PARD3: variants seen among roughly 807,000 people sequenced by gnomAD.
The protein encoded by PARD3 is partitioning defective 3 homolog.
A neutral mutation model predicts 155.4 loss-of-function variants in PARD3; 75 were observed. The observed-to-expected ratio is 0.48, with a 90% CI of 0.40 to 0.58. The LOEUF (loss-of-function observed/expected upper bound fraction) is 0.58, where lower values mean the gene tolerates loss of function less well. Ranked by LOEUF, PARD3 falls within the 20% of genes least tolerant of loss-of-function variation. The probability of loss-of-function intolerance (pLI) is 0.00; values close to 1 mark genes in which losing one functional copy is unlikely to be tolerated. For synonymous variants in PARD3, 576 were observed against 610.5 expected (o/e 0.94, Z 0.83); for missense variants, 1,642 against 1,721.7 (o/e 0.95, Z 0.82).
chr10:34,378,450 A>C (rs1466070314), intron 9 of PARD3, among the ~76,000 whole-genome samples: 1 of 152,218 alleles, frequency 6.6e-6, no homozygotes, highest in African/African-American at 2.4e-5. Context: ...ACTTCTGTTA[A>C]GACCCACAGT....
chr10:34,586,085 G>A (rs2088011328), intron 2 of PARD3, among the ~76,000 whole-genome samples: 1 of 151,892 alleles, frequency 6.6e-6, no homozygotes, highest in South Asian at 2.1e-4. Context: ...AAAAAAAAAA[G>A]TAAGTCATAT....
intron 22 of PARD3, among the ~76,000 whole-genome samples, chr10:34,233,148 T>C (rs1953028824): frequency 6.7e-6 from 1 of 148,218 alleles, no homozygotes. Flanking sequence ...CTCTTCAGCC[T>C]ACTACCCCAT....
intron 3 of PARD3, among the ~76,000 whole-genome samples, chr10:34,510,685 T>A (rs1172260889): frequency 1.3e-5 from 2 of 151,470 alleles, no homozygotes; most frequent in Non-Finnish European, 2.9e-5. Context: ...GAGTGTGTGT[T>A]TCCTTTATTT....
At chr10:34,406,061 T>C (rs541159805) in intron 5 of PARD3, among the ~76,000 whole-genome samples, 2 of 152,304 alleles carry the variant, frequency 1.3e-5, no homozygotes, top group South Asian at 2.1e-4. Context: ...AATGAGGAGT[T>C]ATCTCCAAAC....
At chr10:34,199,748 T>G (rs1478350632) in intron 22 of PARD3, among the ~76,000 whole-genome samples, 4 of 152,200 alleles carry the variant, frequency 2.6e-5, no homozygotes, top group African/African-American at 9.7e-5. Context: ...AAGCTTTCCC[T>G]TCTGAGCAAG....
At chr10:34,596,433 C>T (rs2089266684) in intron 2 of PARD3, among the ~76,000 whole-genome samples, 1 of 152,248 alleles carries the variant, frequency 6.6e-6, no homozygotes, top group Non-Finnish European at 1.5e-5. Context: ...CTAGGGAGGA[C>T]TCAGCAAGCT....
At chr10:34,716,604 T>TG (rs2094525328) in intron 1 of PARD3, among the ~76,000 whole-genome samples, 1 of 146,474 alleles carries the variant, frequency 6.8e-6, no homozygotes, top group East Asian at 2.0e-4. Context: ...TTTTTTTTTT[T>TG]TTTTTGAGAC....
At chr10:34,459,417 C>T (rs1017430381) in intron 4 of PARD3, among the ~76,000 whole-genome samples, 17 of 152,100 alleles carry the variant, frequency 1.1e-4, no homozygotes, top group Non-Finnish European at 1.5e-4. Context: ...GTGATCCGCC[C>T]GCCTCGGCCT....
At chr10:34,795,349 A>G (rs11009940) in intron 1 of PARD3, among the ~76,000 whole-genome samples, 53,721 of 152,068 alleles carry the variant, frequency 0.35, 10,638 homozygotes, top group African/African-American at 0.55. Flanking sequence ...GGTAGTTCAT[A>G]CCTATAATCT....
At chr10:34,604,193 GATGGTTA>G (rs2090028497) in intron 2 of PARD3, among the ~76,000 whole-genome samples, 1 of 152,150 alleles carries the variant, frequency 6.6e-6, no homozygotes, top group Admixed American at 6.5e-5. Context: ...CTGGGTATGA[GATGGTTA>G]ATACCAAGTG....
intron 2 of PARD3, among the ~76,000 whole-genome samples, chr10:34,654,365 C>A (rs771755093): frequency 9.9e-5 from 15 of 152,128 alleles, no homozygotes; most frequent in Non-Finnish European, 1.8e-4. Flanking sequence ...TACAGACGTG[C>A]TAAAAGGTTA....
intron 2 of PARD3, among the ~76,000 whole-genome samples, chr10:34,539,386 C>T (rs1035263637): frequency 6.6e-6 from 1 of 152,174 alleles, no homozygotes; most frequent in Non-Finnish European, 1.5e-5. Flanking sequence ...AAGTAAAACT[C>T]AGCCAGGCGC....
intron 2 of PARD3, among the ~76,000 whole-genome samples, chr10:34,605,223 G>T (rs1158997925): frequency 8.9e-6 from 1 of 112,644 alleles, no homozygotes; most frequent in Non-Finnish European, 1.6e-5. Context: ...GACGGAGTCT[G>T]GCTCTGTCAC....
At chr10:34,428,099 A>C (rs1242444774) in intron 5 of PARD3, among the ~76,000 whole-genome samples, 3 of 152,176 alleles carry the variant, frequency 2.0e-5, no homozygotes, top group Non-Finnish European at 4.4e-5. Flanking sequence ...CCATCTTCAA[A>C]ATAGGACAAC....
chr10:34,788,769 T>C (rs1841296885), intron 1 of PARD3, among the ~76,000 whole-genome samples: 1 of 152,146 alleles, frequency 6.6e-6, no homozygotes, highest in South Asian at 2.1e-4. Context: ...AAAATGAGAC[T>C]GGAGACTGCA....
At chr10:34,714,204 A>G (rs548537138) in intron 1 of PARD3, among the ~76,000 whole-genome samples, 2 of 152,296 alleles carry the variant, frequency 1.3e-5, no homozygotes, top group South Asian at 4.1e-4. Flanking sequence ...ACTTAATCCA[A>G]AAATGACCTG....
chr10:34,211,412 G>T (rs1176565820), intron 22 of PARD3, among the ~76,000 whole-genome samples: 1 of 152,158 alleles, frequency 6.6e-6, no homozygotes, highest in Non-Finnish European at 1.5e-5. Context: ...GCTCAGAACT[G>T]AGTGGGGCAT....
chr10:34,172,436 C>G (rs647223), intron 22 of PARD3, among the ~76,000 whole-genome samples: 30,208 of 152,058 alleles, frequency 0.2, 3,822 homozygotes, highest in Non-Finnish European at 0.26. Flanking sequence ...TCCAACATAA[C>G]AGAATGAGAA....
chr10:34,142,313 T>A (rs1948229949), intron 22 of PARD3, among the ~76,000 whole-genome samples: 1 of 151,774 alleles, frequency 6.6e-6, no homozygotes, highest in South Asian at 2.1e-4. Flanking sequence ...GTGGCCAAGA[T>A]GGGAGCATCG....
Sources: gnomAD v4.1 joint callset for allele counts (sites outside exome capture counted in the v4.1 genomes callset) on GRCh38, gnomAD v4.1.1 for gene constraint, MANE v1.5 for transcripts, NCBI Gene and HGNC (gene_info 2026-07-23, HGNC 2026-07-21) for gene names.